Variants in SSPN observed in about 807,000 individuals in gnomAD.
SSPN encodes K-ras oncogene-associated protein.
A neutral mutation model predicts 19.1 loss-of-function variants in SSPN; 15 were observed. That is an observed-to-expected ratio of 0.78 (90% CI 0.52 to 1.21). SSPN has a LOEUF of 1.21. Among genes scored for constraint, SSPN ranks in the 50% most tolerant of loss-of-function variants. The pLI is 0.00. For missense variants in SSPN, 291 were observed against 314.0 expected, an observed-to-expected ratio of 0.93 and a Z score of 0.55; for synonymous variants, 147 against 140.3, an observed-to-expected ratio of 1.05 and a Z score of -0.34.
At chr12:26,160,724 A>G (rs55775247) in intron 1 of SSPN, among the ~76,000 whole-genome samples, 19,529 of 151,944 alleles carry the variant, frequency 0.13, 1,291 homozygotes, top group Middle Eastern at 0.19. Flanking sequence ...CAGAACCACT[A>G]TTATCTTTCA....
At chr12:26,131,213 C>T (rs1944395633) in intron 1 of SSPN, among the ~76,000 whole-genome samples, 1 of 152,224 alleles carries the variant, frequency 6.6e-6, no homozygotes, top group Non-Finnish European at 1.5e-5. Flanking sequence ...TTCCTGTCTG[C>T]AATTGCACAA....
Position 26,232,483 on chromosome 12 carries a change from G to A in SSPN, c.*1407G>A, listed in dbSNP as rs1355763909. On this transcript the variant is annotated 3_prime_UTR_variant, in exon 3 of 3. Coordinates refer to ENST00000242729, the MANE Select transcript of SSPN (RefSeq NM_005086.5). ...AAGAACTTTATCAGTATGCTTTGTT[G>A]AAAGCAGAAATTAAGATAATAATTG... 1.0e-6 allele frequency: 1 copy of A among 985,216 alleles called. No homozygotes were observed. Among genetic ancestry groups the A allele is most frequent in the Admixed American group, 6.1e-5 (1 of 16,262 alleles). The allele number at this position is 985,216 out of a possible 1,614,324, so 61.0% of individuals were successfully genotyped here.
At chr12:26,164,172 G>A (rs1167721879) in intron 1 of SSPN, among the ~76,000 whole-genome samples, 1 of 152,216 alleles carries the variant, frequency 6.6e-6, no homozygotes, top group African/African-American at 2.4e-5. Flanking sequence ...AAAAAGAATT[G>A]ATCATTCTCG....
At chr12:26,142,783 G>C (rs916341989) in intron 1 of SSPN, among the ~76,000 whole-genome samples, 1 of 152,200 alleles carries the variant, frequency 6.6e-6, no homozygotes, top group Non-Finnish European at 1.5e-5. Flanking sequence ...AAAGATGTGT[G>C]TCTAAGAGTG....
At chr12:26,190,339 A>T (rs1190045057) in intron 1 of SSPN, among the ~76,000 whole-genome samples, 1 of 152,188 alleles carries the variant, frequency 6.6e-6, no homozygotes, top group Non-Finnish European at 1.5e-5. Context: ...CCATGTTGTG[A>T]GGATACTCAA....
At chr12:26,205,723 C>T (rs1343485789) in intron 1 of SSPN, among the ~76,000 whole-genome samples, 1 of 152,132 alleles carries the variant, frequency 6.6e-6, no homozygotes. Context: ...CTCGGACTCC[C>T]TAAGGCAAAT....
chr12:26,165,827 A>T (rs1944617282), intron 1 of SSPN, among the ~76,000 whole-genome samples: 1 of 152,252 alleles, frequency 6.6e-6, no homozygotes, highest in Non-Finnish European at 1.5e-5. Flanking sequence ...GCAGCTGGCC[A>T]GTTGTTCTCA....
intron 1 of SSPN, among the ~76,000 whole-genome samples, chr12:26,139,898 G>A (rs1474846808): frequency 6.6e-6 from 1 of 152,184 alleles, no homozygotes; most frequent in African/African-American, 2.4e-5. Context: ...CTCTTTGCCA[G>A]CACTAGGTGC....
At chr12:26,133,138 C>G (rs972623015) in intron 1 of SSPN, among the ~76,000 whole-genome samples, 2 of 152,218 alleles carry the variant, frequency 1.3e-5, no homozygotes, top group Non-Finnish European at 2.9e-5. Context: ...ACTCCCTCAG[C>G]TCTTTGACCT....
At chr12:26,189,908 G>T (rs898769224) in intron 1 of SSPN, among the ~76,000 whole-genome samples, 1 of 152,178 alleles carries the variant, frequency 6.6e-6, no homozygotes, top group Non-Finnish European at 1.5e-5. Flanking sequence ...GATGTGGATA[G>T]GTATTTGCAT....
chr12:26,190,003 G>A, intron 1 of SSPN, among the ~76,000 whole-genome samples: 1 of 150,600 alleles, frequency 6.6e-6, no homozygotes, highest in East Asian at 1.9e-4. Context: ...GGAACATGTA[G>A]TACAAGAAGA....
chr12:26,224,288 T>C lies in SSPN; in HGVS notation c.280-5T>C. 6.2e-7 allele frequency: 1 copy of C among 1,611,210 alleles called. No individual in the cohort carries two copies. The highest frequency in any genetic ancestry group is 8.5e-7 in the Non-Finnish European group (1 of 1,177,326). On this transcript the variant is annotated splice_region_variant and splice_polypyrimidine_tract_variant and intron_variant, in intron 1 of 2. Coordinates refer to ENST00000242729, the MANE Select transcript of SSPN (RefSeq NM_005086.5). ...ACATCCTTTCTTCTGTGTTCTCCCT[T>C]GCAGGTCTGCTTAGTGGCCTATCTT...
At chr12:26,184,333 C>G (rs2137445033) in intron 1 of SSPN, among the ~76,000 whole-genome samples, 1 of 152,328 alleles carries the variant, frequency 6.6e-6, no homozygotes, top group Non-Finnish European at 1.5e-5. Context: ...TCCTAGCATG[C>G]AGTAACCATA....
intron 2 of SSPN, among the ~76,000 whole-genome samples, chr12:26,227,399 A>G (rs1945189333): frequency 6.6e-6 from 1 of 152,164 alleles, no homozygotes; most frequent in Non-Finnish European, 1.5e-5. Context: ...GATACGCACG[A>G]TATAAATTTA....
Position 26,209,061 on chromosome 12 carries a change from T to C in SSPN, c.279+13110T>C, listed in dbSNP as rs1429404742. ...TTTTCTCAGTGAATCTTAGCCATTT[T>C]CTCTTGCATATACACTTTAGAATAG... On this transcript the variant is annotated intron_variant, in intron 1 of 2. Transcript: ENST00000242729. Among the ~76,000 whole-genome samples, 5 of 152,110 alleles carry C rather than the reference T, an allele frequency of 3.3e-5. No individual in the cohort carries two copies. The East Asian group carries it at 9.6e-4, about 29-fold the overall frequency.
At chr12:26,168,484 A>G (rs1382595913) in intron 1 of SSPN, among the ~76,000 whole-genome samples, 2 of 152,222 alleles carry the variant, frequency 1.3e-5, no homozygotes, top group East Asian at 3.9e-4. Context: ...GCTCCGTATG[A>G]ATAAAATTGC....
chr12:26,201,274 A>G (rs970357417), intron 1 of SSPN, among the ~76,000 whole-genome samples: 13 of 150,958 alleles, frequency 8.6e-5, no homozygotes, highest in Admixed American at 7.9e-4. Context: ...GCTACTCGGG[A>G]GGCTGAGGTG....
At chr12:26,155,169 C>T (rs949506925) in intron 1 of SSPN, among the ~76,000 whole-genome samples, 2 of 152,124 alleles carry the variant, frequency 1.3e-5, no homozygotes, top group Non-Finnish European at 1.5e-5. Context: ...CTAGTGTATT[C>T]GTGGTATACA....
At chr12:26,228,606 T>G (rs1945200596) in intron 2 of SSPN, among the ~76,000 whole-genome samples, 1 of 151,998 alleles carries the variant, frequency 6.6e-6, no homozygotes, top group Non-Finnish European at 1.5e-5. Flanking sequence ...CAGAGCAAAC[T>G]GTTCCCAGTT....
Sources: allele counts gnomAD v4.1 joint callset (sites outside exome capture counted in the v4.1 genomes callset), GRCh38; gene constraint gnomAD v4.1.1; transcripts MANE v1.5; gene names NCBI Gene and HGNC (gene_info 2026-07-23, HGNC 2026-07-21).